PHLDB2: variants seen among roughly 807,000 people sequenced by gnomAD.
The protein encoded by PHLDB2 is pleckstrin homology-like domain family B member 2.
A neutral mutation model predicts 123.6 loss-of-function variants in PHLDB2; 71 were observed. The observed-to-expected ratio is 0.57, with a 90% CI of 0.47 to 0.70. PHLDB2 has a LOEUF of 0.70. Among genes scored for constraint, PHLDB2 ranks in the 30% least tolerant of loss-of-function variants. The pLI, the probability that PHLDB2 is intolerant of heterozygous loss-of-function variation, is 0.00. For synonymous variants in PHLDB2, 547 were observed against 541.6 expected, an observed-to-expected ratio of 1.01 and a Z score of -0.14; for missense variants, 1,446 against 1,519.5, an observed-to-expected ratio of 0.95 and a Z score of 0.80.
chr3:111,880,609 G>A (rs1041169908), intron 1 of PHLDB2, among the ~76,000 whole-genome samples: 1 of 152,106 alleles, frequency 6.6e-6, no homozygotes, highest in African/African-American at 2.4e-5. Context: ...GCACAAAGTG[G>A]TAGAGTAAGT....
At chr3:111,947,619 G>A (rs941625128) in intron 9 of PHLDB2, among the ~76,000 whole-genome samples, 7 of 152,084 alleles carry the variant, frequency 4.6e-5, no homozygotes, top group African/African-American at 1.7e-4. Context: ...CAAAACAGTC[G>A]ACTATTAACT....
At chr3:111,827,946 A>C (rs146648401) in intron 1 of PHLDB2, among the ~76,000 whole-genome samples, 165 of 152,344 alleles carry the variant, frequency 1.1e-3, no homozygotes, top group Admixed American at 1.8e-3. Context: ...TGTCACCTTC[A>C]TTACTATAAA....
At chr3:111,757,091 T>G (rs1422367369) in intron 1 of PHLDB2, among the ~76,000 whole-genome samples, 2 of 152,220 alleles carry the variant, frequency 1.3e-5, no homozygotes, top group African/African-American at 4.8e-5. Context: ...ATTTTTTCCT[T>G]CATTTCAACT....
chr3:111,820,726 A>T (rs2062331507), intron 1 of PHLDB2, among the ~76,000 whole-genome samples: 1 of 152,228 alleles, frequency 6.6e-6, no homozygotes, highest in Non-Finnish European at 1.5e-5. Context: ...TTTGTGGTCA[A>T]GAAGGAGGAG....
intron 14 of PHLDB2, 54 bp downstream of exon 14, chr3:111,966,757 T>G (rs2071797165): frequency 1.4e-6 from 2 of 1,441,130 alleles, no homozygotes; most frequent in Non-Finnish European, 1.9e-6. Context: ...GCAGGAGCCC[T>G]GCGCTTGGCA....
intron 10 of PHLDB2, chr3:111,949,865 G>GGCAGCA (rs942366174): frequency 3.0e-6 from 3 of 985,814 alleles, no homozygotes; most frequent in Non-Finnish European, 3.6e-6. Context: ...AAACACAGAA[G>GGCAGCA]GCAGCAGCAG....
At chr3:111,837,250 A>G (rs2063457514) in intron 1 of PHLDB2, among the ~76,000 whole-genome samples, 1 of 152,214 alleles carries the variant, frequency 6.6e-6, no homozygotes, top group Admixed American at 6.5e-5. Flanking sequence ...AAGTTTAGGA[A>G]TGAACAGAGG....
chr3:111,876,544 A>T (rs1273054586), intron 1 of PHLDB2, among the ~76,000 whole-genome samples: 1 of 152,202 alleles, frequency 6.6e-6, no homozygotes, highest in Non-Finnish European at 1.5e-5. Context: ...GGTTATTAAG[A>T]TGTTCATAAC....
chr3:111,969,730 A>C lies in PHLDB2; in HGVS notation c.3356A>C (p.Asp1119Ala). Reference sequence around the variant, plus strand: ...CGCTACCTGCCTGTCCGGAAGGAAGACTTTGATTTGCGGAGCCATGTAGAG... The same window carrying C: ...CGCTACCTGCCTGTCCGGAAGGAAGCCTTTGATTTGCGGAGCCATGTAGAG... ...LTRYLPVRKE[D>A]FDLRSHVETA... The change falls in exon 16 of 18, where the codon GAC becomes GCC. Residue 1119 changes from aspartate (D) to alanine (A), a missense_variant. Physicochemically the swap from Asp to Ala is moderately radical, Grantham distance 126. Around this residue, in one of 3 missense-constraint regions of PHLDB2, gnomAD observed 594 missense variants for 646.0 expected, o/e 0.92. Transcript: ENST00000431670. 3 of 1,614,036 alleles carry C rather than the reference A, an allele frequency of 1.9e-6. No individual in the cohort carries two copies. Among genetic ancestry groups the C allele is most frequent in the Non-Finnish European group, 2.5e-6 (3 of 1,179,910 alleles).
At chr3:111,872,904 AAATG>A (rs2065416549) in intron 1 of PHLDB2, among the ~76,000 whole-genome samples, 1 of 152,258 alleles carries the variant, frequency 6.6e-6, no homozygotes, top group Non-Finnish European at 1.5e-5. Context: ...AGCTTCAGGA[AAATG>A]AATGGATTCC....
intron 2 of PHLDB2, among the ~76,000 whole-genome samples, chr3:111,894,674 T>A (rs1477156680): frequency 6.6e-6 from 1 of 151,496 alleles, no homozygotes; most frequent in East Asian, 1.9e-4. Context: ...ATGATGAGCT[T>A]TTTTTTCGTA....
intron 1 of PHLDB2, among the ~76,000 whole-genome samples, chr3:111,825,058 T>C (rs1362297064): frequency 6.6e-6 from 1 of 152,206 alleles, no homozygotes; most frequent in African/African-American, 2.4e-5. Flanking sequence ...GGTAAACCCC[T>C]GAGAAGAAAT....
At chr3:111,745,718 C>T (rs369145171) in intron 1 of PHLDB2, among the ~76,000 whole-genome samples, 2 of 151,948 alleles carry the variant, frequency 1.3e-5, no homozygotes, top group East Asian at 3.9e-4. Flanking sequence ...GCTATGTTCA[C>T]ACCACTGCCC....
At chr3:111,837,241 A>C (rs954387485) in intron 1 of PHLDB2, among the ~76,000 whole-genome samples, 5 of 152,306 alleles carry the variant, frequency 3.3e-5, no homozygotes, top group African/African-American at 1.2e-4. Context: ...AAATATCTAA[A>C]GTTTAGGAAT....
intron 1 of PHLDB2, among the ~76,000 whole-genome samples, chr3:111,868,360 T>A (rs1416858034): frequency 6.6e-6 from 1 of 152,098 alleles, no homozygotes; most frequent in Admixed American, 6.6e-5. Context: ...CAAAACAGGA[T>A]CCAAAACCAT....
intron 1 of PHLDB2, among the ~76,000 whole-genome samples, chr3:111,771,029 T>A (rs1160384566): frequency 2.6e-5 from 4 of 152,224 alleles, no homozygotes; most frequent in Non-Finnish European, 2.9e-5. Context: ...CACACCATTG[T>A]GCAGCTGCCC....
rs144635325 is a variant in PHLDB2 at position 111,920,219 on chromosome 3, G to A, written c.1864-63G>A. ...TGTAGCTGTTGCAAATGTATCTCTA[G>A]GGTGGTCAGTTGAGAATATCCCCAA... On this transcript the variant is annotated intron_variant, in intron 4 of 17. Transcript: ENST00000431670. 5.9e-4 allele frequency: 921 copies of A among 1,556,250 alleles called. 1 individual carries two copies. In the Middle Eastern group the frequency reaches 6.9e-3, roughly 12 times the overall value.
rs537899765 is a variant in PHLDB2 at position 111,859,434 on chromosome 3, G to T, written c.-157G>T. Reference sequence around the variant, plus strand: ...GGTGCCCGCCGCGGTGGTTACAAAGGGGGTCAAGAGTGCCGGACCCAGCCG... The same window carrying T: ...GGTGCCCGCCGCGGTGGTTACAAAGTGGGTCAAGAGTGCCGGACCCAGCCG... On this transcript the variant is annotated 5_prime_UTR_variant, in exon 1 of 18. Coordinates refer to ENST00000431670, the MANE Select transcript of PHLDB2 (RefSeq NM_001134438.2). The T allele has an allele frequency of 4.1e-4, 405 of 985,570 alleles. 4 individuals are homozygous for T. The African/African-American group carries it at 6.6e-3, about 16-fold the overall frequency. 61.1% of individuals were successfully genotyped at this position (985,570 alleles called of 1,614,324 possible). A position where few individuals can be genotyped will look rare whatever the true frequency, so the allele number is the denominator to read the frequency against.
At chr3:111,741,952 A>G (rs945931051) in intron 1 of PHLDB2, among the ~76,000 whole-genome samples, 2 of 152,198 alleles carry the variant, frequency 1.3e-5, no homozygotes, top group East Asian at 1.9e-4. Flanking sequence ...CTTATTTTAG[A>G]TGGTGTTATG....
Sources: gnomAD v4.1 joint callset for allele counts (sites outside exome capture counted in the v4.1 genomes callset) on GRCh38, gnomAD v4.1.1 for gene constraint, gnomAD v4.1.1 regional missense constraint, MANE v1.5 for transcripts, NCBI Gene and HGNC (gene_info 2026-07-23, HGNC 2026-07-21) for gene names.